Variants in NPM1 observed in about 807,000 individuals in gnomAD.
NPM1 encodes nucleophosmin.
Under a neutral mutation model 44.1 loss-of-function variants are expected in NPM1, and 1 was observed. The ratio of observed to expected loss-of-function variants is 0.02; its 90% CI spans 0.01 to 0.11. NPM1 has a LOEUF of 0.11. Ranked by LOEUF, NPM1 falls within the 10% of genes least tolerant of loss-of-function variation. The pLI, the probability that NPM1 is intolerant of heterozygous loss-of-function variation, is 1.00. For synonymous variants in NPM1, 126 were observed against 111.8 expected (o/e 1.13, Z -0.80); for missense variants, 197 against 347.8 (o/e 0.57, Z 3.45).
chr5:171,404,740 C>A lies in NPM1; in HGVS notation c.670-562C>A, dbSNP rs1333225651. 2.1e-5 allele frequency among the ~76,000 whole-genome samples: 3 copies of A among 146,242 alleles called. No homozygotes were observed. In the South Asian group the frequency reaches 7.0e-4, roughly 34 times the overall value. ...CTCACTTCCCAGACGGGGTGGCGGCCGGGCAGAGGCTGCAATCTCGGCACT... is the reference window on the plus strand; with the variant it reads ...CTCACTTCCCAGACGGGGTGGCGGCAGGGCAGAGGCTGCAATCTCGGCACT... On this transcript the variant is annotated intron_variant, in intron 8 of 10. Coordinates refer to ENST00000296930, the MANE Select transcript of NPM1 (RefSeq NM_002520.7).
chr5:171,388,238 G>C (rs1473323755), intron 1 of NPM1, among the ~76,000 whole-genome samples: 1 of 152,186 alleles, frequency 6.6e-6, no homozygotes, highest in African/African-American at 2.4e-5. Flanking sequence ...CGTCTGGGGC[G>C]TGAGCGGTCC....
chr5:171,396,707 T>G (rs1770906366), intron 6 of NPM1, among the ~76,000 whole-genome samples: 1 of 152,160 alleles, frequency 6.6e-6, no homozygotes, highest in African/African-American at 2.4e-5. Flanking sequence ...TGTTTACCTA[T>G]TAACAGTTCA....
At chr5:171,390,924 A>G (rs1333463042) in intron 2 of NPM1, among the ~76,000 whole-genome samples, 2 of 139,460 alleles carry the variant, frequency 1.4e-5, no homozygotes, top group Admixed American at 7.3e-5. Flanking sequence ...GGTTGTTACC[A>G]TGTTGTCCAG....
chr5:171,410,500 A>T, intron 10 of NPM1, 27 bp from the exon 11 acceptor site: 1 of 1,491,792 alleles, frequency 6.7e-7, no homozygotes, highest in Non-Finnish European at 9.1e-7. Context: ...TGGTTCCTTA[A>T]CCACATTTCT....
intron 9 of NPM1, chr5:171,406,283 A>T: frequency 1.1e-6 from 1 of 923,794 alleles, no homozygotes; most frequent in Non-Finnish European, 1.8e-6. Flanking sequence ...TAAACCCTTT[A>T]GCCTTCCTGG....
At chr5:171,391,545 G>T in intron 3 of NPM1, 121 bp downstream of exon 3, 2 of 1,325,098 alleles carry the variant, frequency 1.5e-6, no homozygotes, top group South Asian at 2.7e-5. Context: ...TGTCACTGGA[G>T]TTCGATGGTC....
intron 9 of NPM1, 54 bp from the exon 10 acceptor site, chr5:171,407,646 A>ATC: frequency 2.0e-6 from 2 of 983,026 alleles, no homozygotes; most frequent in Non-Finnish European, 1.6e-6. Flanking sequence ...TTCTAAAGGT[A>ATC]TCTCTCTCGG....
chr5:171,394,553 C>T (rs189882559), intron 6 of NPM1, among the ~76,000 whole-genome samples: 27 of 152,268 alleles, frequency 1.8e-4, no homozygotes, highest in Admixed American at 3.9e-4. Context: ...CCTCCCCTCT[C>T]AGACTATGAA....
At chr5:171,394,774 A>G (rs1174593572) in intron 6 of NPM1, among the ~76,000 whole-genome samples, 1 of 152,224 alleles carries the variant, frequency 6.6e-6, no homozygotes, top group African/African-American at 2.4e-5. Context: ...AGTGTTTAAT[A>G]GCATTCACCG....
chr5:171,388,816 A>G (rs1433639261), intron 1 of NPM1, among the ~76,000 whole-genome samples: 1 of 152,178 alleles, frequency 6.6e-6, no homozygotes, highest in Non-Finnish European at 1.5e-5. Flanking sequence ...AGCTAGCCCC[A>G]CTTTGCAGAT....
intron 4 of NPM1, among the ~76,000 whole-genome samples, chr5:171,392,270 C>A (rs1770616072): frequency 6.6e-6 from 1 of 152,156 alleles, no homozygotes; most frequent in Non-Finnish European, 1.5e-5. Context: ...AAGACAGTCT[C>A]ATTATAACGG....
chr5:171,388,083 C>T lies in NPM1; in HGVS notation c.58+77C>T, dbSNP rs557559625. On this transcript the variant is annotated intron_variant, in intron 1 of 10. Transcript: ENST00000296930. Reference sequence around the variant, plus strand: ...AGGGTGGGGGTGAGGGGCGGGAATCCGGCTGCAACCGGGTCTGGTGGAGAC... The same window carrying T: ...AGGGTGGGGGTGAGGGGCGGGAATCTGGCTGCAACCGGGTCTGGTGGAGAC... 6 of 1,133,800 alleles carry T rather than the reference C, an allele frequency of 5.3e-6. No individual in the cohort carries two copies. In the Admixed American group the frequency reaches 7.5e-5, roughly 14 times the overall value. 70.2% of individuals were successfully genotyped at this position (1,133,800 alleles called of 1,614,324 possible).
chr5:171,403,640 A>AT (rs1771366572), intron 8 of NPM1, among the ~76,000 whole-genome samples: 2 of 60,060 alleles, frequency 3.3e-5, no homozygotes, highest in Non-Finnish European at 3.4e-5. Flanking sequence ...AGGGGGGCTG[A>AT]CCCCCCCCAC....
At chr5:171,396,001 C>T (rs989829481) in intron 6 of NPM1, among the ~76,000 whole-genome samples, 13 of 150,270 alleles carry the variant, frequency 8.7e-5, no homozygotes, top group Admixed American at 2.7e-4. Context: ...TCTGTTGCCC[C>T]GGCTGAAGTG....
At position 171,392,835 on chromosome 5, in the gene NPM1, T is replaced by A. The variant is rs924217087; in HGVS notation, c.459+19T>A. 9.9e-6 allele frequency: 16 copies of A among 1,613,154 alleles called. No homozygotes were observed. In the African/African-American group the frequency reaches 2.1e-4, roughly 22 times the overall value. ...TCCACAGGTAGAGATGGCAATTTTATTATAGGTTTTGTATTATAGCTTTTA... is the reference window on the plus strand; with the variant it reads ...TCCACAGGTAGAGATGGCAATTTTAATATAGGTTTTGTATTATAGCTTTTA... On this transcript the variant is annotated intron_variant, in intron 5 of 10. Transcript: ENST00000296930.
chr5:171,405,947 C>T (rs1438908848), intron 9 of NPM1, among the ~76,000 whole-genome samples: 1 of 152,122 alleles, frequency 6.6e-6, no homozygotes, highest in Non-Finnish European at 1.5e-5. Context: ...AGGCTTAAAT[C>T]TAGTTTCCTT....
intron 10 of NPM1, among the ~76,000 whole-genome samples, chr5:171,409,819 T>TA (rs1178274685): frequency 3.2e-5 from 2 of 62,816 alleles, no homozygotes; most frequent in Admixed American, 2.0e-4. Flanking sequence ...CTGTTTTTTT[T>TA]GTTGGTTTGT....
At chr5:171,394,106 A>G (rs1770745528) in intron 6 of NPM1, among the ~76,000 whole-genome samples, 1 of 133,712 alleles carries the variant, frequency 7.5e-6, no homozygotes, top group South Asian at 2.3e-4. Flanking sequence ...CGGTGGCGCC[A>G]TCTCGGCTCA....
At chr5:171,397,230 C>G (rs986150326) in intron 6 of NPM1, among the ~76,000 whole-genome samples, 1 of 152,210 alleles carries the variant, frequency 6.6e-6, no homozygotes, top group Non-Finnish European at 1.5e-5. Context: ...ATTATCAGTA[C>G]TCCATTTATT....
Sources: gnomAD v4.1 joint callset for allele counts (sites outside exome capture counted in the v4.1 genomes callset) on GRCh38, gnomAD v4.1.1 for gene constraint, MANE v1.5 for transcripts, NCBI Gene and HGNC (gene_info 2026-07-23, HGNC 2026-07-21) for gene names.